The following RHD variants were observed in gnomAD, a reference collection of about 807,000 sequenced individuals.
RHD encodes Rh blood group D antigen, also known as blood group Rh(D) polypeptide.
A neutral mutation model predicts 45.5 loss-of-function variants in RHD; 16 were observed. The observed-to-expected ratio is 0.35, with a 90% CI of 0.24 to 0.53. The LOEUF (loss-of-function observed/expected upper bound fraction) is 0.53, where lower values mean the gene tolerates loss of function less well. RHD is among the 20% of genes least tolerant of loss of function. The pLI, the probability that RHD is intolerant of heterozygous loss-of-function variation, is 0.92. For synonymous variants in RHD, 131 were observed against 217.5 expected (o/e 0.60, Z 3.50); for missense variants, 306 against 532.0 (o/e 0.58, Z 4.18).
intron 8 of RHD, among the ~76,000 whole-genome samples, chr1:25,320,236 T>A (rs137996836): frequency 0.056 from 7,359 of 131,640 alleles, 1,460 homozygotes; most frequent in African/African-American, 0.17. Context: ...CACAAAACGC[T>A]TGGGCTGCTG....
Position 25,290,674 on chromosome 1 carries a change from G to A in RHD, c.369G>A (p.Val123=), listed in dbSNP as rs757676972. 12 of 1,378,510 alleles carry A rather than the reference G, an allele frequency of 8.7e-6. 4 individuals are homozygous for A. Among genetic ancestry groups the A allele is most frequent in the Non-Finnish European group, 1.1e-5 (11 of 978,486 alleles). The allele number at this position is 1,378,510 out of a possible 1,614,324, so 85.4% of individuals were successfully genotyped here. A position where few individuals can be genotyped will look rare whatever the true frequency, so the allele number is the denominator to read the frequency against. Residue 123 remains valine (V), a synonymous_variant, in exon 3 of 10, where the codon GTG becomes GTA. Coordinates refer to ENST00000328664, the MANE Select transcript of RHD (RefSeq NM_016124.6). ...TGGCCACCATGAGTGCTTTGTCGGT[G>A]CTGATCTCAGTGGATGCTGTCTTGG... is the stretch of plus-strand genomic sequence containing the variant. ...IRLATMSALS[V]LISVDAVLGK... is the part of the protein sequence containing the mutation.
chr1:25,274,263 T>G (rs1391441023), intron 1 of RHD, among the ~76,000 whole-genome samples: 1 of 132,134 alleles, frequency 7.6e-6, no homozygotes, highest in Non-Finnish European at 1.8e-5. Context: ...CCACGGTCGC[T>G]CAGCTAGCAA....
rs1468110543 is a variant in RHD, at chr1:25,311,292, G to A, written c.1073+4563G>A. ...AGAAAATCTGTAGGTCAGCCATGTT[G>A]TAGGGAATGAAAGAACATTTTCAGC... On this transcript the variant is annotated intron_variant, in intron 7 of 9. Coordinates refer to ENST00000328664, the MANE Select transcript of RHD (RefSeq NM_016124.6). Among the ~76,000 whole-genome samples, 4 of 131,154 alleles carry A rather than the reference G, an allele frequency of 3.0e-5. 1 individual carries two copies. The highest frequency in any genetic ancestry group is 7.3e-5 in the Non-Finnish European group (4 of 54,986). The allele number at this position is 131,154 out of a possible 152,430, so 86.0% of individuals were successfully genotyped here. A position where few individuals can be genotyped will look rare whatever the true frequency, so the allele number is the denominator to read the frequency against.
In RHD at chr1:25,314,075, C is replaced by T. The variant is rs542278028; in HGVS notation, c.1074-2925C>T. 6.0e-5 allele frequency among the ~76,000 whole-genome samples: 8 copies of T among 132,674 alleles called. No homozygotes were observed. In the South Asian group the frequency reaches 1.1e-3, roughly 19 times the overall value. The allele number at this position is 132,674 out of a possible 152,430, so 87.0% of individuals were successfully genotyped here. A position where few individuals can be genotyped will look rare whatever the true frequency, so the allele number is the denominator to read the frequency against. Reference sequence around the variant, plus strand: ...CTAGCACTTTTATTTTTGGAGCACACGAATGCACTTCTGTTGATTATATGC... The same window carrying T: ...CTAGCACTTTTATTTTTGGAGCACATGAATGCACTTCTGTTGATTATATGC... On this transcript the variant is annotated intron_variant, in intron 7 of 9. Coordinates refer to ENST00000328664, the MANE Select transcript of RHD (RefSeq NM_016124.6).
chr1:25,302,181 G>A lies in RHD; in HGVS notation c.801+495G>A, dbSNP rs191416910. Among the ~76,000 whole-genome samples, 39 of 131,774 alleles carry A rather than the reference G, an allele frequency of 3.0e-4. 13 individuals carry two copies. Among genetic ancestry groups the A allele is most frequent in the Non-Finnish European group, 6.6e-4 (37 of 55,802 alleles). 86.4% of individuals were successfully genotyped at this position (131,774 alleles called of 152,430 possible). A position where few individuals can be genotyped will look rare whatever the true frequency, so the allele number is the denominator to read the frequency against. On this transcript the variant is annotated intron_variant, in intron 5 of 9. Coordinates refer to ENST00000328664, the MANE Select transcript of RHD (RefSeq NM_016124.6). ...TGTAAAGTGGGAATTAAGAGATGGTGCATGTAAAGTGCTTAACGGGGAGTA... is the reference window on the plus strand; with the variant it reads ...TGTAAAGTGGGAATTAAGAGATGGTACATGTAAAGTGCTTAACGGGGAGTA...
In RHD at chr1:25,295,849, A is replaced by AGT. The variant is rs1557534285; in HGVS notation, c.486+5058_486+5059insGT. ...CAATGGTCTGGGAGGGAATATGGGA[A>AGT]ATTTTTTTTTTTTTTTTTTTTTTTT... On this transcript the variant is annotated intron_variant, in intron 3 of 9. Coordinates refer to ENST00000328664, the MANE Select transcript of RHD (RefSeq NM_016124.6). Among the ~76,000 whole-genome samples, 212 of 33,718 alleles carry AGT rather than the reference A, an allele frequency of 6.3e-3. 31 individuals carry two copies. The highest frequency in any genetic ancestry group is 9.4e-3 in the African/African-American group (162 of 17,212). The allele number at this position is 33,718 out of a possible 152,430, so 22.1% of individuals were successfully genotyped here. A position where few individuals can be genotyped will look rare whatever the true frequency, so the allele number is the denominator to read the frequency against.
rs642607 is a variant in RHD, at chr1:25,282,588, C to T, written c.149-1985C>T. On this transcript the variant is annotated intron_variant, in intron 1 of 9. Coordinates refer to ENST00000328664, the MANE Select transcript of RHD (RefSeq NM_016124.6). ...TGATAGAGCTGGGATCGAACAGAGCCATGTGAACTCAAAACCTATGCTTCC... is the reference window on the plus strand; with the variant it reads ...TGATAGAGCTGGGATCGAACAGAGCTATGTGAACTCAAAACCTATGCTTCC... 5.3e-5 allele frequency among the ~76,000 whole-genome samples: 7 copies of T among 132,284 alleles called. 1 individual carries two copies. The highest frequency in any genetic ancestry group is 2.3e-4 in the South Asian group (1 of 4,346). The allele number at this position is 132,284 out of a possible 152,430, so 86.8% of individuals were successfully genotyped here.
In RHD at chr1:25,285,716, C is replaced by A. The variant is rs1457460852; in HGVS notation, c.335+957C>A. On this transcript the variant is annotated intron_variant, in intron 2 of 9. Transcript: ENST00000328664. Reference sequence around the variant, plus strand: ...TGATGATTACACATCAAGCTATACACGTTTTAAAAGGGCATTGGCACTTAA... The same window carrying A: ...TGATGATTACACATCAAGCTATACAAGTTTTAAAAGGGCATTGGCACTTAA... Among the ~76,000 whole-genome samples, 8 of 135,176 alleles carry A rather than the reference C, an allele frequency of 5.9e-5. 1 individual carries two copies. The highest frequency in any genetic ancestry group is 1.8e-4 in the African/African-American group (7 of 39,112). 88.7% of individuals were successfully genotyped at this position (135,176 alleles called of 152,430 possible).
intron 6 of RHD, among the ~76,000 whole-genome samples, chr1:25,305,693 C>T (rs1167193082): frequency 1.6e-5 from 2 of 127,876 alleles, no homozygotes; most frequent in Admixed American, 7.6e-5. Context: ...CTCCGCCTCC[C>T]GGGTTCACAC....
chr1:25,307,049 G>A (rs1455908399), intron 7 of RHD: 3 of 339,294 alleles, frequency 8.8e-6, no homozygotes, highest in Admixed American at 7.6e-5. Context: ...AGGTCGTGAT[G>A]CAGAGCTTTG....
chr1:25,329,105 CATTT>C lies in RHD; in HGVS notation c.*185_*188del, dbSNP rs1170619388. ...TGCCACTCTTTGAGGAGAATCTCAC[CATTT>C]ATTATGCACTGTAGAATACAACAAT... is the stretch of plus-strand genomic sequence containing the variant. On this transcript the variant is annotated 3_prime_UTR_variant, in exon 10 of 10. Coordinates refer to ENST00000328664, the MANE Select transcript of RHD (RefSeq NM_016124.6). 3 of 1,243,242 alleles carry C rather than the reference CATTT, an allele frequency of 2.4e-6. No individual in the cohort carries two copies. Among genetic ancestry groups the C allele is most frequent in the Admixed American group, 4.1e-5 (2 of 48,452 alleles). The allele number at this position is 1,243,242 out of a possible 1,614,324, so 77.0% of individuals were successfully genotyped here.
chr1:25,285,218 T>G (rs1641868732), intron 2 of RHD, among the ~76,000 whole-genome samples: 1 of 129,832 alleles, frequency 7.7e-6, no homozygotes, highest in Non-Finnish European at 1.8e-5. Flanking sequence ...CACCACAACC[T>G]CAGCCTTCTG....
chr1:25,293,115 T>C lies in RHD; in HGVS notation c.486+2324T>C, dbSNP rs1642652674. On this transcript the variant is annotated intron_variant, in intron 3 of 9. Coordinates refer to ENST00000328664, the MANE Select transcript of RHD (RefSeq NM_016124.6). ...GAAGGCAACAGCCTGGCTTGACTGA[T>C]TCAAGAGCAGGAGATGAGAAAGTGG... Among the ~76,000 whole-genome samples the C allele has an allele frequency of 3.8e-5, 5 of 131,708 alleles. 2 individuals are homozygous for C. In the South Asian group the frequency reaches 1.1e-3, roughly 30 times the overall value. 86.4% of individuals were successfully genotyped at this position (131,708 alleles called of 152,430 possible).
chr1:25,312,935 A>AAAAAAAAAAAAAAAAAAAAAC (rs1644233501), intron 7 of RHD, among the ~76,000 whole-genome samples: 1 of 103,228 alleles, frequency 9.7e-6, no homozygotes, highest in Non-Finnish European at 2.4e-5. Flanking sequence ...AAAAAAAAAA[A>AAAAAAAAAAAAAAAAAAAAAC]AAAAAAAAAA....
intron 1 of RHD, 37 bp from the exon 2 acceptor site, chr1:25,284,536 T>A (rs777911114): frequency 7.3e-7 from 1 of 1,378,614 alleles, no homozygotes; most frequent in East Asian, 2.2e-5. Context: ...CTCGTCTGCT[T>A]CCCCCTCGTC....
intron 8 of RHD, among the ~76,000 whole-genome samples, chr1:25,320,706 C>T (rs190549111): frequency 1.5e-5 from 2 of 132,084 alleles, no homozygotes; most frequent in East Asian, 3.9e-4. Context: ...CTTCAGGAAG[C>T]TGGAGGAATA....
intron 7 of RHD, among the ~76,000 whole-genome samples, chr1:25,309,155 C>A (rs1644007969): frequency 7.6e-6 from 1 of 132,042 alleles, no homozygotes; most frequent in South Asian, 2.3e-4. Context: ...TTCCCAATTT[C>A]CTATTCAGAT....
At chr1:25,305,811 C>A (rs183048329) in intron 6 of RHD, among the ~76,000 whole-genome samples, 1 of 130,768 alleles carries the variant, frequency 7.6e-6, no homozygotes, top group East Asian at 2.0e-4. Context: ...CATGTTGGCC[C>A]TGCTGGTCTT....
In RHD at chr1:25,279,814, C is replaced by T. The variant is rs2124604722; in HGVS notation, c.149-4759C>T. Among the ~76,000 whole-genome samples, 2 of 130,600 alleles carry T rather than the reference C, an allele frequency of 1.5e-5. 1 individual carries two copies. Among genetic ancestry groups the T allele is most frequent in the Admixed American group, 1.5e-4 (2 of 13,526 alleles). 85.7% of individuals were successfully genotyped at this position (130,600 alleles called of 152,430 possible). A position where few individuals can be genotyped will look rare whatever the true frequency, so the allele number is the denominator to read the frequency against. ...AGGCTTTCCGTAGAATGTACAATTC[C>T]CCTCTGGGTCCAGGCATGGGCGCCC... On this transcript the variant is annotated intron_variant, in intron 1 of 9. Coordinates refer to ENST00000328664, the MANE Select transcript of RHD (RefSeq NM_016124.6).
Sources: allele counts gnomAD v4.1 joint callset (sites outside exome capture counted in the v4.1 genomes callset), GRCh38; gene constraint gnomAD v4.1.1; transcripts MANE v1.5; gene names NCBI Gene and HGNC (gene_info 2026-07-23, HGNC 2026-07-21).